The following DOCK10 variants were observed in gnomAD, a reference collection of about 807,000 sequenced individuals.
The protein encoded by DOCK10 is dedicator of cytokinesis 10, also known as dedicator of cytokinesis protein 10.
Under a neutral mutation model 280.1 loss-of-function variants are expected in DOCK10, and 145 were observed. The ratio of observed to expected loss-of-function variants is 0.52; its 90% CI spans 0.45 to 0.59. The LOEUF is 0.59. Ranked by LOEUF, DOCK10 falls within the 20% of genes least tolerant of loss-of-function variation. The pLI is 0.00. For missense variants in DOCK10, 2,368 were observed against 2,651.7 expected (o/e 0.89, Z 2.35); for synonymous variants, 915 against 942.2 (o/e 0.97, Z 0.53).
chr2:225,039,789 C>A (rs1690367186), intron 1 of DOCK10, among the ~76,000 whole-genome samples: 1 of 152,076 alleles, frequency 6.6e-6, no homozygotes, highest in African/African-American at 2.4e-5. Context: ...TTGGAGAGAG[C>A]AGAATTCAAA....
At chr2:224,967,011 C>T (rs1012298610) in intron 1 of DOCK10, among the ~76,000 whole-genome samples, 1 of 151,478 alleles carries the variant, frequency 6.6e-6, no homozygotes, top group Non-Finnish European at 1.5e-5. Context: ...AACAAGAGTA[C>T]ATGAAACGAC....
At chr2:224,928,771 T>C (rs566198136) in intron 2 of DOCK10, among the ~76,000 whole-genome samples, 1 of 152,380 alleles carries the variant, frequency 6.6e-6, no homozygotes, top group East Asian at 1.9e-4. Flanking sequence ...AATGATTCTT[T>C]GGATCACACT....
chr2:224,845,068 G>T, intron 21 of DOCK10, 135 bp downstream of exon 21: 1 of 972,588 alleles, frequency 1.0e-6, no homozygotes, highest in Non-Finnish European at 1.5e-6. Context: ...AACAAGAGAT[G>T]TGGCATAGGT....
intron 1 of DOCK10, among the ~76,000 whole-genome samples, chr2:224,963,047 AC>A (rs1297685476): frequency 3.9e-5 from 6 of 152,130 alleles, no homozygotes; most frequent in African/African-American, 1.4e-4. Flanking sequence ...TACTGATCCC[AC>A]CTTTTGACCT....
In DOCK10 at chr2:224,796,967, T is replaced by C. The variant is rs1692623152; in HGVS notation, c.4824A>G (p.Leu1608=). ...NKQKSIVRSH[L]QLIKAVSQLI... ...AATGAAAATTGGCAGCACTTACTTGTAAGTGGGACCGGACAATTGACTTCT... is the reference window on the plus strand; with the variant it reads ...AATGAAAATTGGCAGCACTTACTTGCAAGTGGGACCGGACAATTGACTTCT... Residue 1608 remains leucine (L), a synonymous_variant, in exon 43 of 56, where the codon TTA becomes TTG. Transcript: ENST00000258390. The C allele has an allele frequency of 6.2e-7, 1 of 1,612,090 alleles. No individual in the cohort carries two copies. The highest frequency in any genetic ancestry group is 1.3e-5 in the African/African-American group (1 of 74,760).
rs749774948 is a variant in DOCK10, at chr2:224,885,821, G to T, written c.613-16C>A. On this transcript the variant is annotated splice_polypyrimidine_tract_variant and intron_variant, in intron 6 of 55. Transcript: ENST00000258390. Reference sequence around the variant, plus strand: ...TTTTGAATGACTAAATAAAGGAAAAGATATAAGGAGATATTCAAATTGTAA... The same window carrying T: ...TTTTGAATGACTAAATAAAGGAAAATATATAAGGAGATATTCAAATTGTAA... 9 of 1,607,170 alleles carry T rather than the reference G, an allele frequency of 5.6e-6. No homozygotes were observed. The South Asian group carries it at 7.8e-5, about 14-fold the overall frequency.
intron 11 of DOCK10, among the ~76,000 whole-genome samples, chr2:224,871,559 A>G (rs1039284601): frequency 6.6e-6 from 1 of 152,188 alleles, no homozygotes; most frequent in African/African-American, 2.4e-5. Context: ...ACTCTTTACT[A>G]TGGCTTAAGG....
Position 224,793,142 on chromosome 2 carries a change from A to C in DOCK10, c.5213-70T>G, listed in dbSNP as rs1272503283. The C allele has an allele frequency of 4.7e-5, 55 of 1,182,356 alleles. No individual in the cohort carries two copies. The South Asian group carries it at 6.7e-4, about 14-fold the overall frequency. 73.2% of individuals were successfully genotyped at this position (1,182,356 alleles called of 1,614,324 possible). A position where few individuals can be genotyped will look rare whatever the true frequency, so the allele number is the denominator to read the frequency against. On this transcript the variant is annotated intron_variant, in intron 46 of 55. Transcript: ENST00000258390. The stretch of plus-strand genomic sequence containing the variant: ...GTTAATACAAGCTTTAGAGACTACA[A>C]ATCGTTAGCCAATGATGCATTCTCG...
In DOCK10 at chr2:224,946,715, A is replaced by C. The variant is rs1703439068; in HGVS notation, c.124-15047T>G. The C allele has an allele frequency of 9.1e-6, 5 of 546,810 alleles. No individual in the cohort carries two copies. The South Asian group carries it at 2.5e-4, about 28-fold the overall frequency. The allele number at this position is 546,810 out of a possible 1,614,324, so 33.9% of individuals were successfully genotyped here. ...AGTAAAAGAGAATATTTAGGACCCA[A>C]ATGGAATCTTCTGTTCCATATAAGA... On this transcript the variant is annotated intron_variant, in intron 1 of 55. Coordinates refer to ENST00000258390, the MANE Select transcript of DOCK10 (RefSeq NM_014689.3).
chr2:224,794,752 A>C, intron 45 of DOCK10, 127 bp downstream of exon 45: 2 of 828,386 alleles, frequency 2.4e-6, no homozygotes, highest in East Asian at 5.0e-5. Flanking sequence ...ATGATATATA[A>C]CTGAGTCATT....
intron 1 of DOCK10, among the ~76,000 whole-genome samples, chr2:224,991,910 A>G (rs1575153278): frequency 6.6e-6 from 1 of 152,364 alleles, no homozygotes. Flanking sequence ...TGATGCATCA[A>G]TCACTGATGT....
At chr2:224,985,630 GAA>G (rs56042875) in intron 1 of DOCK10, among the ~76,000 whole-genome samples, 1 of 142,090 alleles carries the variant, frequency 7.0e-6, no homozygotes, top group Admixed American at 7.0e-5. Context: ...GGTTAAGGAG[GAA>G]AAAAAAAAAG....
At chr2:225,040,426 C>A (rs767612027) in intron 1 of DOCK10, among the ~76,000 whole-genome samples, 1 of 152,050 alleles carries the variant, frequency 6.6e-6, no homozygotes, top group East Asian at 1.9e-4. Flanking sequence ...CTCCCCTCCC[C>A]CACCTCTTTT....
At chr2:225,008,517 A>G (rs776685150) in intron 1 of DOCK10, among the ~76,000 whole-genome samples, 9 of 152,226 alleles carry the variant, frequency 5.9e-5, no homozygotes, top group Non-Finnish European at 1.2e-4. Flanking sequence ...AATTTAAAAT[A>G]TCTTCTGTAG....
rs376486734 is a variant in DOCK10, at chr2:224,852,393, C to T, written c.2126G>A (p.Ser709Asn). The change falls in exon 18 of 56, where the codon AGT (serine) becomes AAT (asparagine). Residue 709 changes from serine to asparagine, a missense_variant. By Grantham distance (46) the Ser-to-Asn change is conservative. Around this residue, in one of 2 missense-constraint regions of DOCK10, gnomAD observed 1,209 missense variants for 1,250.9 expected, o/e 0.97. Transcript: ENST00000258390. ...TTGGCTCACCTTCAGGGGCTTGGCA[C>T]TTTCTTCATCTGAATTTTTGAATTC... ...CIEFKNSDEE[S>N]AKPLKCIYGK... 44 of 1,572,616 alleles carry T rather than the reference C, an allele frequency of 2.8e-5. No homozygotes were observed. In the African/African-American group the frequency reaches 5.7e-4, roughly 20 times the overall value.
intron 41 of DOCK10, among the ~76,000 whole-genome samples, chr2:224,799,331 T>A (rs1034534955): frequency 6.6e-6 from 1 of 152,262 alleles, no homozygotes; most frequent in Non-Finnish European, 1.5e-5. Flanking sequence ...ACAGCATGTA[T>A]CAGTAGTTTA....
intron 1 of DOCK10, among the ~76,000 whole-genome samples, chr2:224,940,149 G>T (rs1298061152): frequency 6.6e-6 from 1 of 152,190 alleles, no homozygotes; most frequent in Non-Finnish European, 1.5e-5. Context: ...AAATGTTGAT[G>T]AAAGGATTGG....
intron 18 of DOCK10, among the ~76,000 whole-genome samples, chr2:224,851,695 G>T (rs1696754204): frequency 6.6e-6 from 1 of 151,894 alleles, no homozygotes; most frequent in East Asian, 1.9e-4. Flanking sequence ...ATTGGCAGCA[G>T]GCCCACTACA....
intron 7 of DOCK10, among the ~76,000 whole-genome samples, chr2:224,877,895 C>T (rs895497017): frequency 2.0e-5 from 3 of 152,194 alleles, no homozygotes; most frequent in African/African-American, 7.2e-5. Flanking sequence ...CTTTGATTTA[C>T]TCCAGGCAAT....
Sources: gnomAD v4.1 joint callset for allele counts (sites outside exome capture counted in the v4.1 genomes callset) on GRCh38, gnomAD v4.1.1 for gene constraint, gnomAD v4.1.1 regional missense constraint, MANE v1.5 for transcripts, NCBI Gene and HGNC (gene_info 2026-07-23, HGNC 2026-07-21) for gene names.